Variants in SPSB4 observed in about 807,000 individuals in gnomAD.
The protein encoded by SPSB4 is SPRY domain-containing SOCS box protein 4.
A neutral mutation model predicts 20.9 loss-of-function variants in SPSB4; 21 were observed. The ratio of observed to expected loss-of-function variants is 1.01; its 90% CI spans 0.71 to 1.45. The LOEUF is 1.45. Ranked by LOEUF, SPSB4 falls within the 40% of genes most tolerant of loss-of-function variation. The pLI is 0.00. For synonymous variants in SPSB4, 207 were observed against 183.8 expected (o/e 1.13, Z -1.02); for missense variants, 399 against 399.2 (o/e 1.00, Z 0.00).
intron 2 of SPSB4, among the ~76,000 whole-genome samples, chr3:141,116,568 T>C (rs916570368): frequency 6.6e-6 from 1 of 152,236 alleles, no homozygotes; most frequent in Non-Finnish European, 1.5e-5. Flanking sequence ...TCCAATCCCA[T>C]ACTCACCACT....
intron 2 of SPSB4, among the ~76,000 whole-genome samples, chr3:141,083,327 A>C (rs757473448): frequency 1.3e-5 from 2 of 151,994 alleles, no homozygotes; most frequent in Non-Finnish European, 2.9e-5. Context: ...TTCCAAGGAG[A>C]CAATCACTGT....
At chr3:141,098,612 T>C (rs902036180) in intron 2 of SPSB4, among the ~76,000 whole-genome samples, 2 of 152,264 alleles carry the variant, frequency 1.3e-5, no homozygotes, top group African/African-American at 4.8e-5. Context: ...TGATTTTTTG[T>C]TACCAATTTT....
rs1261859196 is a variant in SPSB4 at position 141,066,584 on chromosome 3, C to G, written c.480C>G (p.Ala160=). 6.4e-7 allele frequency: 1 copy of G among 1,563,630 alleles called. No homozygotes were observed. Among genetic ancestry groups the G allele is most frequent in the Non-Finnish European group, 8.7e-7 (1 of 1,154,980 alleles). The change falls in exon 2 of 3, where the codon GCC becomes GCG. Residue 160 remains alanine, a synonymous_variant. Coordinates refer to ENST00000310546, the MANE Select transcript of SPSB4 (RefSeq NM_080862.3). ...ACGGCAAGAACCAGCCCGGCGTGGCCTACCCGGCCTTTCTGGGGCCCGACG... is the reference window on the plus strand; with the variant it reads ...ACGGCAAGAACCAGCCCGGCGTGGCGTACCCGGCCTTTCTGGGGCCCGACG... ...YHDGKNQPGV[A]YPAFLGPDEA...
At chr3:141,141,619 A>G (rs1939330785) in intron 2 of SPSB4, among the ~76,000 whole-genome samples, 1 of 152,236 alleles carries the variant, frequency 6.6e-6, no homozygotes, top group Non-Finnish European at 1.5e-5. Flanking sequence ...CGGAAAGATT[A>G]GTACCAATTC....
rs371893432 is a variant in SPSB4 at position 141,104,426 on chromosome 3, A to T, written c.694+37628A>T. ...AGACTGTGACCTGGACACGCTGCAG[A>T]CACCTCCCAGGTGGCTGCCACTGAC... On this transcript the variant is annotated intron_variant, in intron 2 of 2. Transcript: ENST00000310546. Among the ~76,000 whole-genome samples, 21 of 152,302 alleles carry T rather than the reference A, an allele frequency of 1.4e-4. No homozygotes were observed. The East Asian group carries it at 3.9e-3, about 28-fold the overall frequency.
intron 2 of SPSB4, among the ~76,000 whole-genome samples, chr3:141,126,497 A>G (rs1379737059): frequency 6.6e-6 from 1 of 151,994 alleles, no homozygotes; most frequent in African/African-American, 2.4e-5. Flanking sequence ...CTTTCCTTCA[A>G]TTTCCAACCG....
At chr3:141,128,966 C>T (rs919095300) in intron 2 of SPSB4, among the ~76,000 whole-genome samples, 1 of 152,156 alleles carries the variant, frequency 6.6e-6, no homozygotes, top group African/African-American at 2.4e-5. Flanking sequence ...GAGTAACTTT[C>T]AGACTAGGTG....
chr3:141,113,834 G>A (rs1297557522), intron 2 of SPSB4, among the ~76,000 whole-genome samples: 1 of 152,228 alleles, frequency 6.6e-6, no homozygotes, highest in African/African-American at 2.4e-5. Flanking sequence ...GGTGGCTCAC[G>A]ACTGTAATCT....
intron 2 of SPSB4, among the ~76,000 whole-genome samples, chr3:141,143,578 G>A (rs549500263): frequency 1.3e-5 from 2 of 152,218 alleles, no homozygotes; most frequent in Admixed American, 1.3e-4. Context: ...TAGTGTGCTG[G>A]CTTTCTCTAA....
At chr3:141,074,735 A>G (rs1376865915) in intron 2 of SPSB4, among the ~76,000 whole-genome samples, 1 of 152,370 alleles carries the variant, frequency 6.6e-6, no homozygotes, top group East Asian at 1.9e-4. Flanking sequence ...AGCTGTGTGC[A>G]GGCAGACATT....
At chr3:141,067,704 C>T (rs1484677145) in intron 2 of SPSB4, among the ~76,000 whole-genome samples, 6 of 152,178 alleles carry the variant, frequency 3.9e-5, no homozygotes, top group Middle Eastern at 3.2e-3. Flanking sequence ...CAGAGGCACA[C>T]GTGGCTGCCT....
chr3:141,113,787 A>G (rs1450684067), intron 2 of SPSB4, among the ~76,000 whole-genome samples: 2 of 152,184 alleles, frequency 1.3e-5, no homozygotes, highest in Non-Finnish European at 2.9e-5. Context: ...ATGCCACTGA[A>G]TTGTATACTT....
chr3:141,065,661 C>T (rs1484152628), intron 1 of SPSB4, among the ~76,000 whole-genome samples: 1 of 152,210 alleles, frequency 6.6e-6, no homozygotes, highest in Admixed American at 6.5e-5. Context: ...TGCAGTGGGA[C>T]TTCGGCTAAT....
In SPSB4 at chr3:141,051,631, C is replaced by G. The variant is rs1295679882; in HGVS notation, c.-515C>G. The G allele has an allele frequency of 6.6e-6, 1 of 151,726 alleles. No homozygotes were observed. The highest frequency in any genetic ancestry group is 1.5e-5 in the Non-Finnish European group (1 of 67,878). 9.4% of individuals were successfully genotyped at this position (151,726 alleles called of 1,614,324 possible). A position where few individuals can be genotyped will look rare whatever the true frequency, so the allele number is the denominator to read the frequency against. ...AGGCGCGGCCCGTGCGCCCTGAGCG[C>G]GGGACTCGTCGCCCTCCGGGTCAGG... On this transcript the variant is annotated 5_prime_UTR_variant, in exon 1 of 3. Transcript: ENST00000310546.
intron 2 of SPSB4, among the ~76,000 whole-genome samples, chr3:141,144,996 T>TGA (rs1471251366): frequency 6.6e-6 from 1 of 152,036 alleles, no homozygotes; most frequent in Non-Finnish European, 1.5e-5. Flanking sequence ...GGGGACACCC[T>TGA]GAGGGAGGGT....
intron 2 of SPSB4, among the ~76,000 whole-genome samples, chr3:141,115,745 C>CTTT (rs1239460340): frequency 3.3e-5 from 5 of 152,160 alleles, no homozygotes; most frequent in Non-Finnish European, 7.3e-5. Flanking sequence ...AAACTGAAAA[C>CTTT]ATTTATTTCA....
At chr3:141,111,700 G>A (rs1234027571) in intron 2 of SPSB4, among the ~76,000 whole-genome samples, 3 of 152,076 alleles carry the variant, frequency 2.0e-5, no homozygotes, top group Admixed American at 6.6e-5. Context: ...AATCCTCTAG[G>A]GTGTTTTTGG....
intron 2 of SPSB4, among the ~76,000 whole-genome samples, chr3:141,092,546 C>T (rs1202561792): frequency 6.6e-6 from 1 of 152,230 alleles, no homozygotes; most frequent in Non-Finnish European, 1.5e-5. Context: ...TGGGATGGAA[C>T]TGGACTCTGC....
At chr3:141,109,142 C>T (rs1938751969) in intron 2 of SPSB4, among the ~76,000 whole-genome samples, 2 of 152,136 alleles carry the variant, frequency 1.3e-5, no homozygotes, top group Non-Finnish European at 2.9e-5. Context: ...CCCCTGTTTT[C>T]AGCCACCCTC....
Sources: gnomAD v4.1 joint callset for allele counts (sites outside exome capture counted in the v4.1 genomes callset) on GRCh38, gnomAD v4.1.1 for gene constraint, MANE v1.5 for transcripts, NCBI Gene and HGNC (gene_info 2026-07-23, HGNC 2026-07-21) for gene names.